MAMLD1: variants seen among roughly 807,000 people sequenced by gnomAD.
The protein encoded by MAMLD1 is mastermind like domain containing 1.
A neutral mutation model predicts 45.0 loss-of-function variants in MAMLD1; 14 were observed. The observed-to-expected ratio is 0.31, with a 90% confidence interval of 0.21 to 0.49. MAMLD1 has a LOEUF of 0.49. MAMLD1 is among the 20% of genes least tolerant of loss of function. The pLI is 0.99. For missense variants in MAMLD1, 543 were observed against 603.6 expected (o/e 0.90, Z 1.05); for synonymous variants, 254 against 247.8 (o/e 1.02, Z -0.24).
chrX:150,402,805 A>G (rs1210755710), intron 1 of MAMLD1, among the ~76,000 whole-genome samples: 2 of 111,202 alleles, frequency 1.8e-5, no homozygotes, highest in Admixed American at 9.6e-5. Flanking sequence ...CATCATTCTC[A>G]GTAAACTATC....
At chrX:150,461,269 A>G (rs1283937355) in intron 2 of MAMLD1, among the ~76,000 whole-genome samples, 1 of 112,893 alleles carries the variant, frequency 8.9e-6, no homozygotes, top group Non-Finnish European at 1.9e-5. Context: ...TGGAAAGCTG[A>G]AGACAGGGTC....
chrX:150,368,288 A>C (rs2031674948), intron 1 of MAMLD1, among the ~76,000 whole-genome samples: 1 of 110,814 alleles, frequency 9.0e-6, no homozygotes, highest in African/African-American at 3.3e-5. Flanking sequence ...TGTGGTTTTG[A>C]TTTGCATTTC....
At chrX:150,437,818 G>A (rs2035170623) in intron 1 of MAMLD1, among the ~76,000 whole-genome samples, 2 of 111,688 alleles carry the variant, frequency 1.8e-5, no homozygotes, top group Middle Eastern at 4.6e-3. Context: ...ACCATGGGTA[G>A]CTCTCATTTT....
In MAMLD1 at chrX:150,466,484, G is replaced by A. The variant is rs182971086; in HGVS notation, c.172-3261G>A. ...CTCTGCCAAAACAGCAGCCTCTATCGGCACCCCAAACCCCACCCCTGAGAA... is the reference window on the plus strand; with the variant it reads ...CTCTGCCAAAACAGCAGCCTCTATCAGCACCCCAAACCCCACCCCTGAGAA... On this transcript the variant is annotated intron_variant, in intron 3 of 7. Transcript: ENST00000370401. Among the ~76,000 whole-genome samples, 25 of 112,114 alleles carry A rather than the reference G, an allele frequency of 2.2e-4. No individual in the cohort carries two copies. In the East Asian group the frequency reaches 3.1e-3, roughly 14 times the overall value.
chrX:150,403,479 A>G (rs2033872503), intron 1 of MAMLD1, among the ~76,000 whole-genome samples: 1 of 111,977 alleles, frequency 8.9e-6, no homozygotes, highest in Non-Finnish European at 1.9e-5. Flanking sequence ...ACCTCAACAA[A>G]AAAGTCATTG....
chrX:150,416,692 C>T (rs1447027964), intron 1 of MAMLD1, among the ~76,000 whole-genome samples: 1 of 112,656 alleles, frequency 8.9e-6, no homozygotes, highest in African/African-American at 3.2e-5. Flanking sequence ...AGATACATAT[C>T]TTGAAAATTA....
chrX:150,504,463 C>T (rs1286453626), intron 6 of MAMLD1: 4 of 732,593 alleles, frequency 5.5e-6, no homozygotes, highest in Non-Finnish European at 6.4e-6. Context: ...CCTGGAAGAA[C>T]AAGCAGTGCT....
At chrX:150,460,350 G>T (rs908833468) in intron 2 of MAMLD1, among the ~76,000 whole-genome samples, 1 of 112,447 alleles carries the variant, frequency 8.9e-6, no homozygotes, top group African/African-American at 3.2e-5. Context: ...CACCACAAGG[G>T]CACCTGGGTC....
chrX:150,456,772 A>G (rs1413663736), intron 2 of MAMLD1, among the ~76,000 whole-genome samples: 2 of 112,402 alleles, frequency 1.8e-5, no homozygotes, highest in Admixed American at 9.4e-5. Context: ...GATTTCCCGC[A>G]TGGCTGAATA....
chrX:150,477,432 G>C (rs1253434774), intron 5 of MAMLD1, among the ~76,000 whole-genome samples: 1 of 111,998 alleles, frequency 8.9e-6, no homozygotes, highest in Admixed American at 9.4e-5. Flanking sequence ...AGGGGTGGAC[G>C]GTGACTTGGA....
intron 5 of MAMLD1, among the ~76,000 whole-genome samples, chrX:150,500,549 C>T (rs782135481): frequency 3.6e-5 from 4 of 111,294 alleles, no homozygotes; most frequent in Non-Finnish European, 5.7e-5. Flanking sequence ...CTCCAGGAAA[C>T]GGGGCACCAC....
chrX:150,454,988 C>T (rs1279293973), intron 2 of MAMLD1, among the ~76,000 whole-genome samples: 1 of 111,921 alleles, frequency 8.9e-6, no homozygotes, highest in Non-Finnish European at 1.9e-5. Flanking sequence ...CACCCTACCA[C>T]TTCTCTCTCT....
At position 150,410,257 on chromosome X, in the gene MAMLD1, C is replaced by T. The variant is rs782290497; in HGVS notation, c.-63-35197C>T. On this transcript the variant is annotated intron_variant, in intron 1 of 7. Coordinates refer to ENST00000370401, the MANE Select transcript of MAMLD1 (RefSeq NM_005491.5). Reference sequence around the variant, plus strand: ...TCTTAAGTCTACCCCAGTAGAATGTCTGGCACCTTTATAGGTCCCTTTGTT... The same window carrying T: ...TCTTAAGTCTACCCCAGTAGAATGTTTGGCACCTTTATAGGTCCCTTTGTT... 6.2e-4 allele frequency among the ~76,000 whole-genome samples: 70 copies of T among 112,331 alleles called. 2 individuals carry two copies. The highest frequency in any genetic ancestry group is 6.4e-4 in the Non-Finnish European group (34 of 53,241).
chrX:150,418,081 G>T (rs2034329326), intron 1 of MAMLD1, among the ~76,000 whole-genome samples: 1 of 111,202 alleles, frequency 9.0e-6, no homozygotes, highest in Admixed American at 9.5e-5. Flanking sequence ...ACTCTTTTTG[G>T]TTGGTAGGCT....
intron 1 of MAMLD1, among the ~76,000 whole-genome samples, chrX:150,392,498 C>T (rs1218697692): frequency 2.7e-5 from 3 of 111,181 alleles, no homozygotes; most frequent in Non-Finnish European, 5.7e-5. Context: ...ACCTTCCTTA[C>T]ACTACCCTGA....
At chrX:150,440,979 A>AATAAT (rs1423652978) in intron 1 of MAMLD1, among the ~76,000 whole-genome samples, 1 of 104,935 alleles carries the variant, frequency 9.5e-6, no homozygotes, top group Non-Finnish European at 1.9e-5. Flanking sequence ...TTAAATATAA[A>AATAAT]ATAATATAAT....
At chrX:150,498,048 CTGAG>C (rs782571785) in intron 5 of MAMLD1, among the ~76,000 whole-genome samples, 5 of 111,287 alleles carry the variant, frequency 4.5e-5, no homozygotes, top group African/African-American at 9.8e-5. Flanking sequence ...GTGCCTTACA[CTGAG>C]TAAGTTCTCA....
chrX:150,469,417 T>A (rs1475668599), intron 3 of MAMLD1, among the ~76,000 whole-genome samples: 1 of 112,090 alleles, frequency 8.9e-6, no homozygotes, highest in Non-Finnish European at 1.9e-5. Flanking sequence ...ACAGACAACA[T>A]AATGCCTTAT....
intron 1 of MAMLD1, among the ~76,000 whole-genome samples, chrX:150,423,305 C>A (rs781871477): frequency 9.1e-6 from 1 of 109,644 alleles, no homozygotes; most frequent in African/African-American, 3.3e-5. Flanking sequence ...TCTAGGGACA[C>A]ATTGTTTTTA....
Sources: allele counts gnomAD v4.1 joint callset (sites outside exome capture counted in the v4.1 genomes callset), GRCh38; gene constraint gnomAD v4.1.1; transcripts MANE v1.5; gene names NCBI Gene and HGNC (gene_info 2026-07-23, HGNC 2026-07-21).